Variants in ROBO2 observed in about 807,000 individuals in gnomAD.
The protein encoded by ROBO2 is roundabout homolog 2.
A neutral mutation model predicts 160.8 loss-of-function variants in ROBO2; 53 were observed. The observed-to-expected ratio is 0.33, with a 90% CI of 0.26 to 0.41. The LOEUF (loss-of-function observed/expected upper bound fraction) is 0.41, where lower values mean the gene tolerates loss of function less well. Among genes scored for constraint, ROBO2 ranks in the 10% least tolerant of loss-of-function variants. The pLI is 1.00. For missense variants in ROBO2, 1,577 were observed against 1,722.4 expected (o/e 0.92, Z 1.49); for synonymous variants, 664 against 611.7 (o/e 1.09, Z -1.26).
chr3:77,250,556 C>CT (rs780770855), intron 2 of ROBO2, among the ~76,000 whole-genome samples: 9 of 152,278 alleles, frequency 5.9e-5, no homozygotes, highest in Non-Finnish European at 1.2e-4. Flanking sequence ...CAGACACGGT[C>CT]TTTTTTTCCC....
chr3:76,586,124 A>G lies in ROBO2; in HGVS notation c.110-511890A>G, dbSNP rs2086023179. Among the ~76,000 whole-genome samples, 3 of 152,192 alleles carry G rather than the reference A, an allele frequency of 2.0e-5. No individual in the cohort carries two copies. In the East Asian group the frequency reaches 5.8e-4, roughly 29 times the overall value. ...ACACACAACACCAGTATTTTTTGTTAAAGTTTTCAGGATAATAGCAAAATG... is the reference window on the plus strand; with the variant it reads ...ACACACAACACCAGTATTTTTTGTTGAAGTTTTCAGGATAATAGCAAAATG... On this transcript the variant is annotated intron_variant, in intron 2 of 26. Transcript: ENST00000487694.
intron 2 of ROBO2, among the ~76,000 whole-genome samples, chr3:76,213,615 T>G (rs967624698): frequency 1.3e-5 from 2 of 152,186 alleles, no homozygotes; most frequent in African/African-American, 4.8e-5. Context: ...TTCTTTAATT[T>G]ATAGAACATT....
chr3:77,468,952 T>C (rs1421998139), intron 2 of ROBO2, among the ~76,000 whole-genome samples: 1 of 152,130 alleles, frequency 6.6e-6, no homozygotes, highest in African/African-American at 2.4e-5. Flanking sequence ...TCCCCTTCTG[T>C]GCAGAAGAAA....
chr3:76,047,472 A>AG (rs1277928052), intron 2 of ROBO2, among the ~76,000 whole-genome samples: 1 of 152,198 alleles, frequency 6.6e-6, no homozygotes, highest in African/African-American at 2.4e-5. Context: ...TTAGTGATAC[A>AG]GAGATTGCCG....
intron 1 of ROBO2, among the ~76,000 whole-genome samples, chr3:77,048,678 G>A (rs1024158898): frequency 1.3e-5 from 2 of 152,158 alleles, no homozygotes; most frequent in African/African-American, 4.8e-5. Flanking sequence ...TTTCTAGATA[G>A]CCCCCTTAGC....
At chr3:77,277,176 CTTTCTTTCT>C (rs1386912917) in intron 2 of ROBO2, among the ~76,000 whole-genome samples, 19 of 101,582 alleles carry the variant, frequency 1.9e-4, no homozygotes, top group African/African-American at 5.8e-4. Context: ...TTCTTTCTTT[CTTTCTTTCT>C]TTCTTTCTTT....
intron 2 of ROBO2, among the ~76,000 whole-genome samples, chr3:77,121,047 C>T (rs537355928): frequency 3.7e-4 from 56 of 152,096 alleles, no homozygotes; most frequent in Middle Eastern, 6.8e-3. Context: ...TGGGTTCAAG[C>T]GATTCTCCTG....
At chr3:77,224,627 CTTTG>C (rs58851072) in intron 2 of ROBO2, among the ~76,000 whole-genome samples, 1,656 of 151,582 alleles carry the variant, frequency 0.011, 16 homozygotes, top group African/African-American at 0.025. Context: ...GTGTGTGTTT[CTTTG>C]TTTGTTTGTT....
In ROBO2 at chr3:75,972,855, C is replaced by T. The variant is rs142890734; in HGVS notation, c.109+35253C>T. 4.6e-4 allele frequency among the ~76,000 whole-genome samples: 70 copies of T among 151,768 alleles called. No homozygotes were observed. The East Asian group carries it at 0.013, about 29-fold the overall frequency. On this transcript the variant is annotated intron_variant, in intron 2 of 26. Coordinates refer to the ROBO2 transcript ENST00000487694. ...TAAGTCCCTCTAAGGCAGTCTGGCA[C>T]TGACTGTGGTAGCCCGTTAAGTGTG...
intron 1 of ROBO2, among the ~76,000 whole-genome samples, chr3:77,075,616 T>A (rs768635111): frequency 3.4e-4 from 51 of 151,962 alleles, no homozygotes; most frequent in Non-Finnish European, 5.9e-4. Flanking sequence ...CAAAATATGC[T>A]ATTTTTTTAT....
rs139852246 is a variant in ROBO2, at chr3:77,057,952, G to T, written c.61+17106G>T. Among the ~76,000 whole-genome samples the T allele has an allele frequency of 7.6e-3, 1,159 of 152,022 alleles. 12 individuals carry two copies. Among genetic ancestry groups the T allele is most frequent in the Non-Finnish European group, 0.013 (890 of 67,984 alleles). ...ACATGTATACCTATGTAACAAAGCT[G>T]CACGTTCTGCACATGTATCCAGAAC... is the stretch of plus-strand genomic sequence containing the variant. On this transcript the variant is annotated intron_variant, in intron 1 of 25. Coordinates refer to ENST00000461745, the Ensembl canonical transcript of ROBO2.
Position 76,216,872 on chromosome 3 carries a change from A to G in ROBO2, c.109+279270A>G, listed in dbSNP as rs558653838. On this transcript the variant is annotated intron_variant, in intron 2 of 26. Coordinates refer to the ROBO2 transcript ENST00000487694. ...CAGAATATAAATTCTTTTCAGCACC[A>G]CACCACACCTACTCCAAAACTGACC... Among the ~76,000 whole-genome samples, 12 of 152,316 alleles carry G rather than the reference A, an allele frequency of 7.9e-5. No individual in the cohort carries two copies. The East Asian group carries it at 2.3e-3, about 29-fold the overall frequency.
intron 2 of ROBO2, among the ~76,000 whole-genome samples, chr3:76,160,386 T>C (rs1355039256): frequency 6.6e-6 from 1 of 152,194 alleles, no homozygotes; most frequent in Non-Finnish European, 1.5e-5. Context: ...AATATTAATT[T>C]CAGTCGGAAT....
intron 2 of ROBO2, among the ~76,000 whole-genome samples, chr3:76,651,736 TC>T (rs1287300521): frequency 6.6e-6 from 1 of 152,152 alleles, no homozygotes; most frequent in Non-Finnish European, 1.5e-5. Flanking sequence ...TCCTTCCATC[TC>T]CCCCTTTTAA....
At chr3:76,657,068 T>A (rs1176184864) in intron 2 of ROBO2, among the ~76,000 whole-genome samples, 1 of 152,186 alleles carries the variant, frequency 6.6e-6, no homozygotes, top group South Asian at 2.1e-4. Flanking sequence ...TTCCTCTTTT[T>A]TTTCCCTATA....
intron 5 of ROBO2, among the ~76,000 whole-genome samples, chr3:77,508,855 A>T (rs2088969822): frequency 6.6e-6 from 1 of 152,084 alleles, no homozygotes; most frequent in African/African-American, 2.4e-5. Flanking sequence ...TTACCGCTGA[A>T]GATCAAACTT....
intron 7 of ROBO2, among the ~76,000 whole-genome samples, chr3:77,546,806 G>C (rs947500557): frequency 6.6e-6 from 1 of 152,054 alleles, no homozygotes; most frequent in African/African-American, 2.4e-5. Flanking sequence ...TGGTGTGATA[G>C]AGTCAGGACA....
At chr3:77,242,911 G>C (rs1441845144) in intron 2 of ROBO2, among the ~76,000 whole-genome samples, 1 of 151,320 alleles carries the variant, frequency 6.6e-6, no homozygotes, top group Non-Finnish European at 1.5e-5. Context: ...TGAATTAAAT[G>C]AGAGCGGTAA....
chr3:77,050,674 T>C (rs1156371963), intron 1 of ROBO2, among the ~76,000 whole-genome samples: 1 of 149,010 alleles, frequency 6.7e-6, no homozygotes, highest in East Asian at 2.0e-4. Flanking sequence ...TTTTTTTGCA[T>C]TGTAATTGTT....
Sources: gnomAD v4.1 joint callset for allele counts (sites outside exome capture counted in the v4.1 genomes callset) on GRCh38, gnomAD v4.1.1 for gene constraint, MANE v1.5 for transcripts, NCBI Gene and HGNC (gene_info 2026-07-23, HGNC 2026-07-21) for gene names.